ELAPOR2: variants seen among roughly 807,000 people sequenced by gnomAD.
ELAPOR2 encodes the protein endosome/lysosome-associated apoptosis and autophagy regulator family member 2.
In ELAPOR2, 89 loss-of-function variants were observed where a neutral mutation model predicts 120.7. The observed-to-expected ratio is 0.74, with a 90% CI of 0.62 to 0.88. The LOEUF (loss-of-function observed/expected upper bound fraction) is 0.88, where lower values mean the gene tolerates loss of function less well. Among genes scored for constraint, ELAPOR2 ranks in the 40% least tolerant of loss-of-function variants. ELAPOR2 has a pLI of 0.00. For synonymous variants in ELAPOR2, 444 were observed against 444.9 expected (o/e 1.00, Z 0.03); for missense variants, 1,134 against 1,251.6 (o/e 0.91, Z 1.42).
At chr7:87,057,971 T>C (rs905071486) in intron 1 of ELAPOR2, among the ~76,000 whole-genome samples, 5 of 152,226 alleles carry the variant, frequency 3.3e-5, no homozygotes, top group Admixed American at 6.5e-5. Flanking sequence ...CCTGGAATAA[T>C]GGATTATTCC....
At chr7:86,997,667 C>T (rs1793169708) in intron 1 of ELAPOR2, among the ~76,000 whole-genome samples, 1 of 152,154 alleles carries the variant, frequency 6.6e-6, no homozygotes, top group South Asian at 2.1e-4. Flanking sequence ...AAACTGATTA[C>T]ACCCCTGAGT....
chr7:87,012,788 C>T (rs1422624207), intron 1 of ELAPOR2, among the ~76,000 whole-genome samples: 1 of 152,132 alleles, frequency 6.6e-6, no homozygotes, highest in African/African-American at 2.4e-5. Context: ...TTCCATGGGT[C>T]CTTTGGCAGA....
intron 2 of ELAPOR2, among the ~76,000 whole-genome samples, chr7:86,953,621 G>T (rs1791356838): frequency 6.6e-6 from 1 of 152,152 alleles, no homozygotes; most frequent in African/African-American, 2.4e-5. Context: ...CAGTATGATA[G>T]ACAGTTATTA....
intron 21 of ELAPOR2, among the ~76,000 whole-genome samples, chr7:86,885,252 T>G (rs956842753): frequency 6.6e-6 from 1 of 152,112 alleles, no homozygotes; most frequent in African/African-American, 2.4e-5. Flanking sequence ...CAAAAGGACA[T>G]AAAACCTGCA....
chr7:86,995,268 T>C (rs770964934), intron 1 of ELAPOR2, among the ~76,000 whole-genome samples: 1 of 152,178 alleles, frequency 6.6e-6, no homozygotes, highest in Non-Finnish European at 1.5e-5. Flanking sequence ...ATGATTAGCC[T>C]AGACCAGCTG....
chr7:87,042,147 C>T (rs1227666034), intron 1 of ELAPOR2, among the ~76,000 whole-genome samples: 1,969 of 149,610 alleles, frequency 0.013, 52 homozygotes, highest in African/African-American at 0.046. Flanking sequence ...CTTAGACTCC[C>T]ACACATTAAT....
chr7:87,051,863 A>G (rs1338068535), intron 1 of ELAPOR2, among the ~76,000 whole-genome samples: 1 of 152,200 alleles, frequency 6.6e-6, no homozygotes, highest in East Asian at 1.9e-4. Flanking sequence ...ATTAATTTCC[A>G]TATTTGTGTC....
At chr7:87,024,188 T>C (rs1336723156) in intron 1 of ELAPOR2, among the ~76,000 whole-genome samples, 1 of 152,214 alleles carries the variant, frequency 6.6e-6, no homozygotes, top group Non-Finnish European at 1.5e-5. Flanking sequence ...CAGTATGATA[T>C]TGGCTGTGAG....
In ELAPOR2 at chr7:86,935,413, A is replaced by G. The variant is rs144616311; in HGVS notation, c.1089+2713T>C. Among the ~76,000 whole-genome samples the G allele has an allele frequency of 1.6e-3, 251 of 152,178 alleles. 2 individuals carry two copies. Among genetic ancestry groups the G allele is most frequent in the African/African-American group, 5.5e-3 (229 of 41,560 alleles). The stretch of plus-strand genomic sequence containing the variant: ...TGGCCTTGCCCAGTTTTAAAAACAG[A>G]CTGAGGCCTTCCCAGACTGGGTAAG... On this transcript the variant is annotated intron_variant, in intron 8 of 21. Transcript: ENST00000450689.
intron 21 of ELAPOR2, among the ~76,000 whole-genome samples, chr7:86,887,961 C>A (rs1269164878): frequency 6.6e-6 from 1 of 152,102 alleles, no homozygotes; most frequent in African/African-American, 2.4e-5. Flanking sequence ...TTCTGCCTCA[C>A]CAATCTAGGG....
chr7:86,914,685 T>C (rs1292437815), intron 13 of ELAPOR2, 38 bp downstream of exon 13: 9 of 1,567,904 alleles, frequency 5.7e-6, no homozygotes, highest in African/African-American at 2.7e-5. Context: ...GCATCATTAG[T>C]GTGTTTAAAA....
intron 2 of ELAPOR2, among the ~76,000 whole-genome samples, chr7:86,948,837 A>G (rs2116392833): frequency 6.6e-6 from 1 of 152,320 alleles, no homozygotes; most frequent in African/African-American, 2.4e-5. Context: ...ACCTTGGAAA[A>G]GGGCTTTCTA....
chr7:86,913,621 T>C (rs1424394997), intron 13 of ELAPOR2, among the ~76,000 whole-genome samples: 1 of 152,168 alleles, frequency 6.6e-6, no homozygotes, highest in East Asian at 1.9e-4. Context: ...TGCCTTGGAA[T>C]GGGGATGAGA....
In ELAPOR2 at chr7:86,944,673, T is replaced by C. The variant is rs571585135; in HGVS notation, c.654+226A>G. Among the ~76,000 whole-genome samples, 3 of 152,034 alleles carry C rather than the reference T, an allele frequency of 2.0e-5. No homozygotes were observed. In the East Asian group the frequency reaches 5.8e-4, roughly 29 times the overall value. The stretch of plus-strand genomic sequence containing the variant: ...ATAACTAAAAGTTAACCAAGCCCAA[T>C]GTTATGCTGCAAGGTGAGATCTTGG... On this transcript the variant is annotated intron_variant, in intron 4 of 21. Transcript: ENST00000450689.
At chr7:86,997,141 G>A (rs1793153133) in intron 1 of ELAPOR2, among the ~76,000 whole-genome samples, 1 of 152,144 alleles carries the variant, frequency 6.6e-6, no homozygotes, top group Non-Finnish European at 1.5e-5. Flanking sequence ...TTTTTTGCAT[G>A]TTTCATGCTT....
At chr7:86,977,428 C>T (rs1273253138) in intron 1 of ELAPOR2, among the ~76,000 whole-genome samples, 1 of 152,176 alleles carries the variant, frequency 6.6e-6, no homozygotes, top group South Asian at 2.1e-4. Flanking sequence ...CTGTACATCA[C>T]AGAAAGCAGA....
intron 1 of ELAPOR2, among the ~76,000 whole-genome samples, chr7:87,056,599 C>T (rs964132949): frequency 1.3e-5 from 2 of 152,202 alleles, no homozygotes; most frequent in African/African-American, 4.8e-5. Flanking sequence ...ACTTTTCTCC[C>T]CCTTTCGACT....
intron 1 of ELAPOR2, among the ~76,000 whole-genome samples, chr7:86,977,982 TA>T (rs1792336221): frequency 6.6e-6 from 1 of 152,218 alleles, no homozygotes; most frequent in Admixed American, 6.5e-5. Flanking sequence ...AGTTATATAT[TA>T]ATATGTCATG....
At chr7:87,026,126 T>C (rs1207588946) in intron 1 of ELAPOR2, among the ~76,000 whole-genome samples, 2 of 152,052 alleles carry the variant, frequency 1.3e-5, no homozygotes, top group East Asian at 3.8e-4. Flanking sequence ...CTTTCCAGAA[T>C]AGCTGAACAT....
Sources: gnomAD v4.1 joint callset for allele counts (sites outside exome capture counted in the v4.1 genomes callset) on GRCh38, gnomAD v4.1.1 for gene constraint, MANE v1.5 for transcripts, NCBI Gene and HGNC (gene_info 2026-07-23, HGNC 2026-07-21) for gene names.